ENOX1: variants seen among roughly 807,000 people sequenced by gnomAD.
The protein encoded by ENOX1 is ecto-NOX disulfide-thiol exchanger 1.
ENOX1 carries 42 observed loss-of-function variants against 82.5 expected under a neutral mutation model. The observed-to-expected ratio is 0.51, with a 90% CI of 0.40 to 0.66. The LOEUF (loss-of-function observed/expected upper bound fraction) is 0.66, where lower values mean the gene tolerates loss of function less well. Among genes scored for constraint, ENOX1 ranks in the 30% least tolerant of loss-of-function variants. The pLI is 0.00. For missense variants in ENOX1, 608 were observed against 811.6 expected, an observed-to-expected ratio of 0.75 and a Z score of 3.05; for synonymous variants, 271 against 282.2, an observed-to-expected ratio of 0.96 and a Z score of 0.40.
At chr13:43,265,117 A>G (rs2044293842) in intron 14 of ENOX1, among the ~76,000 whole-genome samples, 1 of 152,186 alleles carries the variant, frequency 6.6e-6, no homozygotes, top group Non-Finnish European at 1.5e-5. Flanking sequence ...GTATATCATC[A>G]GTTATAGTTT....
chr13:43,247,856 TATATATATATATATATATA>T (rs2043188314), intron 14 of ENOX1, among the ~76,000 whole-genome samples: 45 of 4,330 alleles, frequency 0.01, 5 homozygotes, highest in East Asian at 0.033. Context: ...TATATATATA[TATATATATATATATATATA>T]TATATATATT....
At chr13:43,546,043 G>A (rs903268326) in intron 2 of ENOX1, 11 of 152,170 alleles carry the variant, frequency 7.2e-5, no homozygotes, top group Admixed American at 5.9e-4. Flanking sequence ...AAGATAAAAC[G>A]TTCAGTGTTA....
At chr13:43,624,183 T>C (rs7990981) in intron 2 of ENOX1, among the ~76,000 whole-genome samples, 5,415 of 152,292 alleles carry the variant, frequency 0.036, 297 homozygotes, top group African/African-American at 0.12. Context: ...CTAATGATGT[T>C]CAGCATCTCT....
At chr13:43,244,141 G>T (rs1393456901) in intron 14 of ENOX1, among the ~76,000 whole-genome samples, 3 of 150,216 alleles carry the variant, frequency 2.0e-5, no homozygotes, top group African/African-American at 7.4e-5. Flanking sequence ...TTACATACTA[G>T]ATAACTTTAG....
At position 43,705,931 on chromosome 13, in the gene ENOX1, T is replaced by C. The variant is rs182920394; in HGVS notation, c.-284-38387A>G. On this transcript the variant is annotated intron_variant, in intron 1 of 16. Coordinates refer to ENST00000690772, the MANE Select transcript of ENOX1 (RefSeq NM_001347969.2). ...AGACTATATATTGGAATAAAAAACA[T>C]CTTAATAAATTTTTAAAAATCAGAT... Among the ~76,000 whole-genome samples, 60 of 152,150 alleles carry C rather than the reference T, an allele frequency of 3.9e-4. No individual in the cohort carries two copies. The East Asian group carries it at 8.3e-3, about 21-fold the overall frequency.
At chr13:43,354,541 CAT>C (rs2153555511) in intron 8 of ENOX1, among the ~76,000 whole-genome samples, 1 of 150,746 alleles carries the variant, frequency 6.6e-6, no homozygotes, top group East Asian at 2.0e-4. Context: ...GGCAGCTTTT[CAT>C]ACATTTTTTT....
intron 11 of ENOX1, among the ~76,000 whole-genome samples, chr13:43,303,336 T>C (rs9594925): frequency 0.36 from 54,227 of 152,114 alleles, 9,968 homozygotes; most frequent in East Asian, 0.54. Context: ...AGGGACTCTC[T>C]CCAGCTTCTA....
intron 3 of ENOX1, among the ~76,000 whole-genome samples, chr13:43,440,073 T>A (rs1420407913): frequency 1.3e-5 from 2 of 152,126 alleles, no homozygotes; most frequent in African/African-American, 4.8e-5. Context: ...GCAAATAAAA[T>A]TAAAAATAGG....
intron 11 of ENOX1, among the ~76,000 whole-genome samples, chr13:43,305,134 T>A (rs1323827804): frequency 6.6e-6 from 1 of 152,140 alleles, no homozygotes; most frequent in African/African-American, 2.4e-5. Flanking sequence ...CATCAGTGCC[T>A]CCCAGTGGCC....
chr13:43,766,557 G>A (rs563125131), intron 1 of ENOX1, among the ~76,000 whole-genome samples: 1 of 152,286 alleles, frequency 6.6e-6, no homozygotes, highest in South Asian at 2.1e-4. Context: ...TAGCTCAACT[G>A]TAGAAAGGTA....
chr13:43,291,948 G>GAGAA (rs2046023890), intron 12 of ENOX1, among the ~76,000 whole-genome samples: 1 of 152,230 alleles, frequency 6.6e-6, no homozygotes, highest in African/African-American at 2.4e-5. Context: ...CACTGCCCAG[G>GAGAA]AGAAAGACTC....
At chr13:43,647,162 T>G (rs540090168) in intron 2 of ENOX1, among the ~76,000 whole-genome samples, 2 of 152,312 alleles carry the variant, frequency 1.3e-5, no homozygotes, top group African/African-American at 4.8e-5. Context: ...CCTGAGATTT[T>G]AAATCCTGTC....
intron 1 of ENOX1, among the ~76,000 whole-genome samples, chr13:43,782,767 A>G (rs1952351383): frequency 1.3e-5 from 2 of 152,250 alleles, no homozygotes; most frequent in African/African-American, 4.8e-5. Context: ...TCCTAAGTTT[A>G]GAAGAAATGA....
intron 2 of ENOX1, among the ~76,000 whole-genome samples, chr13:43,658,912 A>G (rs181736694): frequency 1.3e-5 from 2 of 152,268 alleles, no homozygotes; most frequent in African/African-American, 4.8e-5. Context: ...CCTTTTAATC[A>G]GGAAACTTCT....
intron 1 of ENOX1, among the ~76,000 whole-genome samples, chr13:43,720,455 C>T (rs2088491891): frequency 6.6e-6 from 1 of 152,214 alleles, no homozygotes; most frequent in Non-Finnish European, 1.5e-5. Context: ...TGCCCAAGCC[C>T]TTTGAGCTGT....
intron 2 of ENOX1, among the ~76,000 whole-genome samples, chr13:43,530,196 T>C (rs1462330715): frequency 6.6e-6 from 1 of 152,148 alleles, no homozygotes; most frequent in Non-Finnish European, 1.5e-5. Context: ...TCAATGGAGA[T>C]AGCAAGTTTG....
At chr13:43,733,499 G>T (rs1170659146) in intron 1 of ENOX1, among the ~76,000 whole-genome samples, 1 of 152,138 alleles carries the variant, frequency 6.6e-6, no homozygotes, top group East Asian at 1.9e-4. Flanking sequence ...CGTATGAGGC[G>T]ATTTATCCTC....
chr13:43,321,532 A>G (rs1054301393), intron 11 of ENOX1, among the ~76,000 whole-genome samples: 1 of 152,210 alleles, frequency 6.6e-6, no homozygotes, highest in Non-Finnish European at 1.5e-5. Context: ...TTCTTAATAA[A>G]TTAGTAAAGA....
intron 3 of ENOX1, among the ~76,000 whole-genome samples, chr13:43,419,597 G>A (rs534751010): frequency 5.5e-4 from 83 of 152,086 alleles, no homozygotes; most frequent in Admixed American, 2.1e-3. Context: ...GATTTTGTTT[G>A]GTCTAAGTCC....
Sources: gnomAD v4.1 joint callset for allele counts (sites outside exome capture counted in the v4.1 genomes callset) on GRCh38, gnomAD v4.1.1 for gene constraint, MANE v1.5 for transcripts, NCBI Gene and HGNC (gene_info 2026-07-23, HGNC 2026-07-21) for gene names.